DPP9: variants seen among roughly 807,000 people sequenced by gnomAD.
DPP9 encodes the protein dipeptidyl peptidase 9, also known as dipeptidyl peptidase IV-related protein-2.
A neutral mutation model predicts 110.7 loss-of-function variants in DPP9; 50 were observed. The observed-to-expected ratio is 0.45, with a 90% CI of 0.36 to 0.57. The LOEUF is 0.57. DPP9 is among the 20% of genes least tolerant of loss of function. The probability of loss-of-function intolerance (pLI) is 0.00; values close to 1 mark genes in which losing one functional copy is unlikely to be tolerated. For missense variants in DPP9, 1,022 were observed against 1,217.9 expected (o/e 0.84, Z 2.39); for synonymous variants, 561 against 514.4 (o/e 1.09, Z -1.23).
intron 3 of DPP9, among the ~76,000 whole-genome samples, chr19:4,715,304 T>C (rs917145142): frequency 6.6e-6 from 1 of 152,158 alleles, no homozygotes; most frequent in African/African-American, 2.4e-5. Context: ...ATTACAGGCA[T>C]GAGCCACTGC....
chr19:4,707,492 A>G (rs982370858), intron 4 of DPP9, among the ~76,000 whole-genome samples: 12 of 151,930 alleles, frequency 7.9e-5, no homozygotes, highest in African/African-American at 2.9e-4. Flanking sequence ...ATGACTAACG[A>G]CAAGTCACAG....
chr19:4,713,683 G>A (rs1049746854), intron 4 of DPP9, among the ~76,000 whole-genome samples: 6 of 152,242 alleles, frequency 3.9e-5, no homozygotes, highest in Non-Finnish European at 5.9e-5. Flanking sequence ...GAATGGTTCA[G>A]TCCAGTCCTG....
intron 11 of DPP9, among the ~76,000 whole-genome samples, chr19:4,696,872 G>C (rs2091846409): frequency 6.6e-6 from 1 of 152,172 alleles, no homozygotes; most frequent in Non-Finnish European, 1.5e-5. Context: ...ATTAACCAAT[G>C]CAATTAGAAA....
intron 21 of DPP9, among the ~76,000 whole-genome samples, chr19:4,677,049 G>C (rs2088934363): frequency 6.6e-6 from 1 of 152,162 alleles, no homozygotes; most frequent in Non-Finnish European, 1.5e-5. Flanking sequence ...CTGGTCTCGA[G>C]CCATTTCCAC....
intron 8 of DPP9, 47 bp downstream of exon 8, chr19:4,702,556 G>A: frequency 7.0e-7 from 1 of 1,437,520 alleles, no homozygotes; most frequent in Non-Finnish European, 9.6e-7. Context: ...GTGATTCCAG[G>A]AGGAAAAGCA....
At chr19:4,680,469 A>G (rs1009229876) in intron 20 of DPP9, among the ~76,000 whole-genome samples, 12 of 151,920 alleles carry the variant, frequency 7.9e-5, no homozygotes, top group Non-Finnish European at 1.6e-4. Context: ...TAATCCCAGT[A>G]CTTTGGGAGG....
Position 4,689,486 on chromosome 19 carries a change from T to A in DPP9, c.1749+84A>T. 6.8e-7 allele frequency: 1 copy of A among 1,476,564 alleles called. No homozygotes were observed. Among genetic ancestry groups the A allele is most frequent in the South Asian group, 1.3e-5 (1 of 79,930 alleles). 91.5% of individuals were successfully genotyped at this position (1,476,564 alleles called of 1,614,324 possible). A position where few individuals can be genotyped will look rare whatever the true frequency, so the allele number is the denominator to read the frequency against. ...GCGAGACCATGAGAATGACCCTGAG[T>A]GCTGTGCCGGGCCATGAGGGACTGC... On this transcript the variant is annotated intron_variant, in intron 15 of 21. Transcript: ENST00000262960. The surrounding 1 kb of genome is among the most constrained non-coding windows in gnomAD (Gnocchi z 7.0).
intron 4 of DPP9, among the ~76,000 whole-genome samples, chr19:4,709,496 G>C (rs1193703946): frequency 6.6e-6 from 1 of 152,176 alleles, no homozygotes; most frequent in Non-Finnish European, 1.5e-5. Flanking sequence ...CAATCTCTAA[G>C]AGCCCTTGAA....
chr19:4,695,362 C>T lies in DPP9; in HGVS notation c.1353+16G>A, dbSNP rs746668813. ...AGGGCCCAGGCGGGCATACAGCCAG[C>T]GCTTGCCCCGCTTACATTGATCCAG... On this transcript the variant is annotated intron_variant, in intron 12 of 21. Coordinates refer to ENST00000262960, the MANE Select transcript of DPP9 (RefSeq NM_139159.5). The surrounding 1 kb of genome is among the most constrained non-coding windows in gnomAD (Gnocchi z 4.7). The T allele has an allele frequency of 3.2e-6, 5 of 1,544,856 alleles. No individual in the cohort carries two copies. Among genetic ancestry groups the T allele is most frequent in the South Asian group, 1.2e-5 (1 of 82,534 alleles).
rs73543657 is a variant in DPP9 at position 4,718,793 on chromosome 19, G to A, written c.56+1058C>T. Among the ~76,000 whole-genome samples the A allele has an allele frequency of 0.013, 1,935 of 152,256 alleles. 54 individuals carry two copies. The highest frequency in any genetic ancestry group is 0.045 in the African/African-American group (1,861 of 41,536). ...AATCATAGCCCTTCACACCGTCCCC[G>A]TCTTCCCCGGTCCATTCTTCAATTC... On this transcript the variant is annotated intron_variant, in intron 3 of 21. Coordinates refer to ENST00000262960, the MANE Select transcript of DPP9 (RefSeq NM_139159.5). This position sits in a 1 kb window ranked among gnomAD's most constrained non-coding sequence, Gnocchi z 4.3.
chr19:4,700,161 C>A lies in DPP9; in HGVS notation c.1074+55G>T. The A allele has an allele frequency of 2.1e-6, 3 of 1,416,890 alleles. No homozygotes were observed. Among genetic ancestry groups the A allele is most frequent in the South Asian group, 1.4e-5 (1 of 69,706 alleles). The allele number at this position is 1,416,890 out of a possible 1,614,324, so 87.8% of individuals were successfully genotyped here. A position where few individuals can be genotyped will look rare whatever the true frequency, so the allele number is the denominator to read the frequency against. On this transcript the variant is annotated intron_variant, in intron 10 of 21. Coordinates refer to ENST00000262960, the MANE Select transcript of DPP9 (RefSeq NM_139159.5). The surrounding 1 kb of genome is among the most constrained non-coding windows in gnomAD (Gnocchi z 4.3). The stretch of plus-strand genomic sequence containing the variant: ...CTGCCCATCCACCCAGCTGCCTACC[C>A]GGCCCTTCCCCGCATCATCTAGTAG...
In DPP9 at chr19:4,684,345, G is replaced by A. The variant is rs891702685; in HGVS notation, c.2178+318C>T. 13 of 359,328 alleles carry A rather than the reference G, an allele frequency of 3.6e-5. No homozygotes were observed. Among genetic ancestry groups the A allele is most frequent in the Non-Finnish European group, 6.2e-5 (12 of 192,372 alleles). 22.3% of individuals were successfully genotyped at this position (359,328 alleles called of 1,614,324 possible). ...GCCTCCAGAACTGTGAGAGATTTTCGTTCTTTATAAATCCCCAGGCTGTGG... is the reference window on the plus strand; with the variant it reads ...GCCTCCAGAACTGTGAGAGATTTTCATTCTTTATAAATCCCCAGGCTGTGG... On this transcript the variant is annotated intron_variant, in intron 18 of 21. Transcript: ENST00000262960. This position sits in a 1 kb window ranked among gnomAD's most constrained non-coding sequence, Gnocchi z 4.8.
At position 4,704,855 on chromosome 19, in the gene DPP9, C is replaced by T. The variant is rs888618144; in HGVS notation, c.427-551G>A. ...CTCTACTAAAAATACAAAAATTAGC[C>T]GGGTGTGGTGGCACGCGCCTGTAGT... is the stretch of plus-strand genomic sequence containing the variant. On this transcript the variant is annotated intron_variant, in intron 5 of 21. Coordinates refer to ENST00000262960, the MANE Select transcript of DPP9 (RefSeq NM_139159.5). The surrounding 1 kb of genome is among the most constrained non-coding windows in gnomAD (Gnocchi z 6.0). 1.7e-4 allele frequency among the ~76,000 whole-genome samples: 26 copies of T among 152,118 alleles called. No individual in the cohort carries two copies. Among genetic ancestry groups the T allele is most frequent in the African/African-American group, 5.6e-4 (23 of 41,424 alleles).
Position 4,689,870 on chromosome 19 carries a change from AACCATCCC to A in DPP9, c.1597-156_1597-149del, listed in dbSNP as rs769503146. On this transcript the variant is annotated intron_variant, in intron 14 of 21. Coordinates refer to ENST00000262960, the MANE Select transcript of DPP9 (RefSeq NM_139159.5). This position sits in a 1 kb window ranked among gnomAD's most constrained non-coding sequence, Gnocchi z 7.0. Reference sequence around the variant, plus strand: ...AAGTCTGGCTTTAGGGCTGGAGATGAACCATCCCTGAGAGATGCGCTTATCTGGCCCCG... The same window carrying A: ...AAGTCTGGCTTTAGGGCTGGAGATGATGAGAGATGCGCTTATCTGGCCCCG... 23 of 908,448 alleles carry A rather than the reference AACCATCCC, an allele frequency of 2.5e-5. No individual in the cohort carries two copies. Among genetic ancestry groups the A allele is most frequent in the South Asian group, 1.7e-4 (9 of 53,358 alleles). The allele number at this position is 908,448 out of a possible 1,614,324, so 56.3% of individuals were successfully genotyped here.
chr19:4,708,218 C>A (rs558863564), intron 4 of DPP9, among the ~76,000 whole-genome samples: 18 of 152,242 alleles, frequency 1.2e-4, no homozygotes, highest in African/African-American at 3.9e-4. Flanking sequence ...ATCCTTAAAC[C>A]CTCACATAAA....
chr19:4,705,783 C>T, intron 5 of DPP9, 75 bp downstream of exon 5: 1 of 1,420,060 alleles, frequency 7.0e-7, no homozygotes, highest in South Asian at 1.2e-5. Context: ...TGACCGAAGG[C>T]ATGTATGGCC....
rs776531403 is a variant in DPP9 at position 4,685,551 on chromosome 19, C to T, written c.2031+75G>A. ...CCTCCTCTGGTTGACTGTTCTACAGCTGGCACTTGAGTGGGGATGGGGAGT... is the reference window on the plus strand; with the variant it reads ...CCTCCTCTGGTTGACTGTTCTACAGTTGGCACTTGAGTGGGGATGGGGAGT... On this transcript the variant is annotated intron_variant, in intron 17 of 21. Transcript: ENST00000262960. The surrounding 1 kb of genome is among the most constrained non-coding windows in gnomAD (Gnocchi z 5.8). 5 of 1,454,042 alleles carry T rather than the reference C, an allele frequency of 3.4e-6. No individual in the cohort carries two copies. The South Asian group carries it at 6.1e-5, about 18-fold the overall frequency. The allele number at this position is 1,454,042 out of a possible 1,614,324, so 90.1% of individuals were successfully genotyped here. A position where few individuals can be genotyped will look rare whatever the true frequency, so the allele number is the denominator to read the frequency against.
chr19:4,685,374 A>G lies in DPP9; in HGVS notation c.2031+252T>C, dbSNP rs1460210975. 2 of 643,904 alleles carry G rather than the reference A, an allele frequency of 3.1e-6. No homozygotes were observed. The highest frequency in any genetic ancestry group is 5.7e-6 in the Non-Finnish European group (2 of 348,020). 39.9% of individuals were successfully genotyped at this position (643,904 alleles called of 1,614,324 possible). A position where few individuals can be genotyped will look rare whatever the true frequency, so the allele number is the denominator to read the frequency against. On this transcript the variant is annotated intron_variant, in intron 17 of 21. Coordinates refer to ENST00000262960, the MANE Select transcript of DPP9 (RefSeq NM_139159.5). The surrounding 1 kb of genome is among the most constrained non-coding windows in gnomAD (Gnocchi z 5.8). ...AGGGGACTTCCTAGAGGAACAAGGG[A>G]GAGTCAGCAGGCGGAGGGGGAAGGG...
chr19:4,697,550 C>T lies in DPP9; in HGVS notation c.1175+1G>A, dbSNP rs1194817796. 1 of 1,612,758 alleles carries T rather than the reference C, an allele frequency of 6.2e-7. No homozygotes were observed. The highest frequency in any genetic ancestry group is 1.3e-5 in the African/African-American group (1 of 74,934). On this transcript the variant is annotated splice_donor_variant, in intron 11 of 21. Transcript: ENST00000262960. LOFTEE classifies it high-confidence loss of function. ...CTTGGGTTCCAGCCAGAGACACTCA[C>T]TATTTGCCATCCCGGGTCCACCCGG...
Sources: gnomAD v4.1 joint callset for allele counts (sites outside exome capture counted in the v4.1 genomes callset) on GRCh38, gnomAD v4.1.1 for gene constraint, Gnocchi (gnomAD v3.1) non-coding constraint, MANE v1.5 for transcripts, NCBI Gene and HGNC (gene_info 2026-07-23, HGNC 2026-07-21) for gene names.